Variants in PRKG1 observed in about 807,000 individuals in gnomAD.
PRKG1 encodes cGMP-dependent protein kinase 1.
A neutral mutation model predicts 88.1 loss-of-function variants in PRKG1; 35 were observed. The observed-to-expected ratio is 0.40, with a 90% CI of 0.30 to 0.53. The LOEUF is 0.53. Among genes scored for constraint, PRKG1 ranks in the 20% least tolerant of loss-of-function variants. The pLI, the probability that PRKG1 is intolerant of heterozygous loss-of-function variation, is 0.59. For missense variants in PRKG1, 540 were observed against 839.8 expected, an observed-to-expected ratio of 0.64 and a Z score of 4.41; for synonymous variants, 303 against 292.5, an observed-to-expected ratio of 1.04 and a Z score of -0.37.
chr10:51,860,769 T>C (rs943855787), intron 4 of PRKG1, among the ~76,000 whole-genome samples: 7 of 152,094 alleles, frequency 4.6e-5, no homozygotes, highest in Non-Finnish European at 7.4e-5. Context: ...GAGATTAGAA[T>C]TGGAAGCAAG....
chr10:51,756,263 G>C (rs1022868860), intron 3 of PRKG1, among the ~76,000 whole-genome samples: 5 of 152,092 alleles, frequency 3.3e-5, no homozygotes, highest in African/African-American at 9.7e-5. Context: ...GAGGCAAGAG[G>C]CTCACTTAAG....
intron 2 of PRKG1, among the ~76,000 whole-genome samples, chr10:51,376,976 C>A (rs1290009995): frequency 6.6e-6 from 1 of 152,082 alleles, no homozygotes; most frequent in Non-Finnish European, 1.5e-5. Flanking sequence ...TGCGCCTGGC[C>A]AGTCCATTTT....
At chr10:52,034,153 A>C (rs962874075) in intron 5 of PRKG1, among the ~76,000 whole-genome samples, 1 of 152,156 alleles carries the variant, frequency 6.6e-6, no homozygotes, top group African/African-American at 2.4e-5. Context: ...ATCTGGGCGT[A>C]CATGTGCAAA....
chr10:51,679,227 T>C (rs961483484), intron 3 of PRKG1, among the ~76,000 whole-genome samples: 1 of 152,202 alleles, frequency 6.6e-6, no homozygotes, highest in Non-Finnish European at 1.5e-5. Context: ...GAGTCAGTAG[T>C]CTCGCAAAAG....
chr10:52,064,932 C>G (rs922588189), intron 7 of PRKG1, among the ~76,000 whole-genome samples: 6 of 152,170 alleles, frequency 3.9e-5, no homozygotes, highest in Non-Finnish European at 5.9e-5. Flanking sequence ...ATTGTCATCA[C>G]TCTTATGGTG....
intron 9 of PRKG1, among the ~76,000 whole-genome samples, chr10:52,172,804 C>T (rs2132712717): frequency 6.6e-6 from 1 of 152,078 alleles, no homozygotes; most frequent in East Asian, 1.9e-4. Context: ...CTGAGGAGGC[C>T]ACATATATTT....
intron 7 of PRKG1, among the ~76,000 whole-genome samples, chr10:52,090,401 C>T (rs1419720113): frequency 6.6e-6 from 1 of 151,888 alleles, no homozygotes; most frequent in Non-Finnish European, 1.5e-5. Context: ...TAAGTCCCTA[C>T]AGATACAAGT....
chr10:52,281,685 A>G (rs770495825), intron 13 of PRKG1, among the ~76,000 whole-genome samples: 1 of 152,164 alleles, frequency 6.6e-6, no homozygotes, highest in Non-Finnish European at 1.5e-5. Flanking sequence ...TCCCAAAACT[A>G]TCTTACTCAC....
intron 3 of PRKG1, among the ~76,000 whole-genome samples, chr10:51,791,997 T>C (rs993221807): frequency 6.6e-6 from 1 of 152,108 alleles, no homozygotes; most frequent in African/African-American, 2.4e-5. Flanking sequence ...AATGTAAAGA[T>C]GAATAGATTT....
At chr10:51,863,462 C>T (rs1159995213) in intron 4 of PRKG1, among the ~76,000 whole-genome samples, 2 of 152,178 alleles carry the variant, frequency 1.3e-5, no homozygotes, top group African/African-American at 4.8e-5. Flanking sequence ...TGCCACCAAT[C>T]TCAACCTCCT....
intron 4 of PRKG1, among the ~76,000 whole-genome samples, chr10:51,887,043 G>A (rs191824935): frequency 5.3e-5 from 8 of 152,314 alleles, no homozygotes; most frequent in Non-Finnish European, 8.8e-5. Context: ...TCGGAGTGCA[G>A]TGGTGCATCT....
intron 3 of PRKG1, among the ~76,000 whole-genome samples, chr10:51,665,432 G>T (rs1283626775): frequency 6.6e-6 from 1 of 151,816 alleles, no homozygotes. Context: ...ATATTATTTT[G>T]CCTAGTTATC....
At chr10:51,453,368 G>A (rs1002607804) in intron 2 of PRKG1, among the ~76,000 whole-genome samples, 1 of 151,848 alleles carries the variant, frequency 6.6e-6, no homozygotes, top group Non-Finnish European at 1.5e-5. Context: ...GGTTTGGTTT[G>A]TTCCTGTTTC....
chr10:51,162,291 T>A (rs1452336415), intron 2 of PRKG1, among the ~76,000 whole-genome samples: 2 of 152,002 alleles, frequency 1.3e-5, no homozygotes, highest in African/African-American at 4.8e-5. Flanking sequence ...CTTATTTGAA[T>A]TCTCCCATGT....
chr10:51,322,067 G>T (rs1456245347), intron 2 of PRKG1, among the ~76,000 whole-genome samples: 1 of 152,046 alleles, frequency 6.6e-6, no homozygotes, highest in Non-Finnish European at 1.5e-5. Context: ...GTTCTCAATT[G>T]CTATGTGAAG....
intron 5 of PRKG1, among the ~76,000 whole-genome samples, chr10:51,932,425 A>G (rs192886665): frequency 2.6e-4 from 40 of 152,256 alleles, no homozygotes; most frequent in South Asian, 6.2e-4. Flanking sequence ...CACTTGTTGA[A>G]TCTTTGGACA....
At chr10:51,998,112 GAT>G (rs1263449996) in intron 5 of PRKG1, among the ~76,000 whole-genome samples, 1 of 152,140 alleles carries the variant, frequency 6.6e-6, no homozygotes, top group African/African-American at 2.4e-5. Flanking sequence ...ATCATGAAAA[GAT>G]GTGAATTTAT....
At chr10:52,214,535 C>T (rs1483250697) in intron 9 of PRKG1, among the ~76,000 whole-genome samples, 1 of 152,112 alleles carries the variant, frequency 6.6e-6, no homozygotes, top group African/African-American at 2.4e-5. Flanking sequence ...ATGTATAGCA[C>T]TTTGTGTAGT....
chr10:51,559,354 C>T (rs2132145238), intron 3 of PRKG1, among the ~76,000 whole-genome samples: 1 of 152,166 alleles, frequency 6.6e-6, no homozygotes, highest in Admixed American at 6.6e-5. Context: ...TACTAATGCA[C>T]TTGAGGAAGT....
Sources: allele counts gnomAD v4.1 joint callset (sites outside exome capture counted in the v4.1 genomes callset), GRCh38; gene constraint gnomAD v4.1.1; transcripts MANE v1.5; gene names NCBI Gene and HGNC (gene_info 2026-07-23, HGNC 2026-07-21).